The following FARS2 variants were observed in gnomAD, a reference collection of about 807,000 sequenced individuals.
The protein encoded by FARS2 is phenylalanine--tRNA ligase, mitochondrial.
In FARS2, 40 loss-of-function variants were observed where a neutral mutation model predicts 46.4. That is an observed-to-expected ratio of 0.86 (90% CI 0.67 to 1.12). FARS2 has a LOEUF of 1.12. FARS2 is among the 50% of genes most tolerant of loss of function. FARS2 has a pLI of 0.00. For missense variants in FARS2, 513 were observed against 567.9 expected (o/e 0.90, Z 0.98); for synonymous variants, 234 against 214.9 (o/e 1.09, Z -0.78).
chr6:5,479,628 A>G (rs142195706), intron 4 of FARS2, among the ~76,000 whole-genome samples: 117 of 152,360 alleles, frequency 7.7e-4, no homozygotes, highest in African/African-American at 2.7e-3. Context: ...CTTATAACAA[A>G]TGCTGTTACA....
At chr6:5,522,961 A>G (rs998115953) in intron 4 of FARS2, among the ~76,000 whole-genome samples, 1 of 152,262 alleles carries the variant, frequency 6.6e-6, no homozygotes. Context: ...CGAAATAGAA[A>G]GGAGAAGAGA....
chr6:5,550,323 T>G (rs1171007623), intron 5 of FARS2, among the ~76,000 whole-genome samples: 18 of 152,212 alleles, frequency 1.2e-4, no homozygotes, highest in Admixed American at 1.3e-4. Flanking sequence ...TTCATCAGGC[T>G]GGAGCCCAGT....
At chr6:5,626,094 C>T (rs899327366) in intron 6 of FARS2, among the ~76,000 whole-genome samples, 7 of 152,100 alleles carry the variant, frequency 4.6e-5, no homozygotes, top group African/African-American at 1.7e-4. Flanking sequence ...AAGGAAAAAG[C>T]AAGGTAGAAT....
chr6:5,560,917 C>T (rs990962458), intron 5 of FARS2, among the ~76,000 whole-genome samples: 3 of 152,030 alleles, frequency 2.0e-5, no homozygotes, highest in Admixed American at 6.6e-5. Context: ...TCACTTGAGG[C>T]CAGGAGTTTG....
intron 5 of FARS2, among the ~76,000 whole-genome samples, chr6:5,578,821 A>AC (rs1339494938): frequency 8.6e-4 from 48 of 55,896 alleles, no homozygotes; most frequent in African/African-American, 2.5e-3. Context: ...AAAAAAAAAA[A>AC]AAAAAAAAAA....
intron 6 of FARS2, among the ~76,000 whole-genome samples, chr6:5,622,272 C>T (rs1405061860): frequency 2.0e-5 from 3 of 152,248 alleles, no homozygotes; most frequent in African/African-American, 7.2e-5. Flanking sequence ...CTTTCTCCGA[C>T]CTGCCACCGG....
chr6:5,479,810 C>T (rs13194575), intron 4 of FARS2, among the ~76,000 whole-genome samples: 11,288 of 152,272 alleles, frequency 0.074, 513 homozygotes, highest in Non-Finnish European at 0.1. Context: ...AACTTTAAAG[C>T]AGTTAAGCCA....
chr6:5,716,738 T>G (rs1361095422), intron 6 of FARS2, among the ~76,000 whole-genome samples: 1 of 152,200 alleles, frequency 6.6e-6, no homozygotes, highest in Non-Finnish European at 1.5e-5. Flanking sequence ...CTCAGAAACA[T>G]GTACCAACAT....
intron 4 of FARS2, among the ~76,000 whole-genome samples, chr6:5,482,135 CTT>C (rs34255950): frequency 1.5e-4 from 23 of 149,234 alleles, no homozygotes; most frequent in African/African-American, 3.7e-4. Context: ...CAGCTTACAT[CTT>C]TTTTTTTTTG....
upstream of FARS2, chr6:5,260,668 A>T: frequency 2.6e-6 from 4 of 1,545,930 alleles, no homozygotes; most frequent in South Asian, 4.7e-5. Context: ...AGGCGCTGAA[A>T]CGCTTGCTCT....
chr6:5,518,530 T>C (rs554162530), intron 4 of FARS2, among the ~76,000 whole-genome samples: 13 of 152,170 alleles, frequency 8.5e-5, no homozygotes, highest in African/African-American at 2.9e-4. Context: ...GAGTGAGAAG[T>C]ATAGGAAGCA....
intron 6 of FARS2, among the ~76,000 whole-genome samples, chr6:5,659,534 T>A (rs868809380): frequency 1.6e-4 from 24 of 152,232 alleles, no homozygotes; most frequent in African/African-American, 5.3e-4. Flanking sequence ...TGTTTCAGCT[T>A]CTTATCCATC....
chr6:5,431,638 A>G (rs1428186889), intron 4 of FARS2: 5 of 532,676 alleles, frequency 9.4e-6, no homozygotes, highest in South Asian at 4.2e-5. Flanking sequence ...TTAGGCCCCT[A>G]ATGCTTAATC....
At chr6:5,566,188 A>C (rs2150549212) in intron 5 of FARS2, among the ~76,000 whole-genome samples, 1 of 152,294 alleles carries the variant, frequency 6.6e-6, no homozygotes, top group East Asian at 1.9e-4. Flanking sequence ...CAATTGGCTT[A>C]TTTTGTAATC....
At chr6:5,525,998 A>C (rs1343183352) in intron 4 of FARS2, among the ~76,000 whole-genome samples, 1 of 152,254 alleles carries the variant, frequency 6.6e-6, no homozygotes. Context: ...GAAAGGTTGA[A>C]GAATATTTCT....
chr6:5,477,354 T>G (rs1255850107), intron 4 of FARS2, among the ~76,000 whole-genome samples: 1 of 152,196 alleles, frequency 6.6e-6, no homozygotes, highest in Non-Finnish European at 1.5e-5. Context: ...TTACCCTAGC[T>G]TATTGTCTTC....
chr6:5,423,781 C>T lies in FARS2; in HGVS notation c.773-7260C>T, dbSNP rs74605474. 2.5e-3 allele frequency among the ~76,000 whole-genome samples: 387 copies of T among 152,134 alleles called. 16 individuals are homozygous for T. The East Asian group carries it at 0.067, about 26-fold the overall frequency. ...ACTCCAGGGTACATGGTTGTGTGGACGCATAGGATATATATGGCGCTCTTA... is the reference window on the plus strand; with the variant it reads ...ACTCCAGGGTACATGGTTGTGTGGATGCATAGGATATATATGGCGCTCTTA... On this transcript the variant is annotated intron_variant, in intron 3 of 6. Coordinates refer to ENST00000274680, the MANE Select transcript of FARS2 (RefSeq NM_006567.5).
chr6:5,379,162 A>G (rs564617466), intron 2 of FARS2, among the ~76,000 whole-genome samples: 1 of 152,222 alleles, frequency 6.6e-6, no homozygotes, highest in Non-Finnish European at 1.5e-5. Flanking sequence ...GTGCCACTCT[A>G]TCTCTTTTTG....
intron 5 of FARS2, among the ~76,000 whole-genome samples, chr6:5,561,813 T>A (rs1015078565): frequency 6.6e-5 from 10 of 152,110 alleles, no homozygotes; most frequent in African/African-American, 2.2e-4. Context: ...TAGTTATCAG[T>A]TATCTTAACT....
Sources: allele counts gnomAD v4.1 joint callset (sites outside exome capture counted in the v4.1 genomes callset), GRCh38; gene constraint gnomAD v4.1.1; transcripts MANE v1.5; gene names NCBI Gene and HGNC (gene_info 2026-07-23, HGNC 2026-07-21).